The following PTPRD variants were observed in gnomAD, a reference collection of about 807,000 sequenced individuals.
The protein encoded by PTPRD is receptor-type tyrosine-protein phosphatase delta.
PTPRD carries 34 observed loss-of-function variants against 214.5 expected under a neutral mutation model. The ratio of observed to expected loss-of-function variants is 0.16; its 90% CI spans 0.12 to 0.21. PTPRD has a LOEUF of 0.21. PTPRD is among the 10% of genes least tolerant of loss of function. The pLI is 1.00. For missense variants in PTPRD, 2,545 were observed against 2,398.7 expected (o/e 1.06, Z -1.27); for synonymous variants, 1,128 against 845.7 (o/e 1.33, Z -5.79).
In PTPRD at chr9:8,500,959, A is replaced by G. The variant is rs774207545; in HGVS notation, c.1923T>C (p.Ile641=). The G allele has an allele frequency of 6.2e-7, 1 of 1,614,128 alleles. No homozygotes were observed. The highest frequency in any genetic ancestry group is 8.5e-7 in the Non-Finnish European group (1 of 1,180,002). ...TGTACTTGATGGAGTATTCAGTGATAATGCCATTCTGTTTTTCCACTGGTG... is the reference window on the plus strand; with the variant it reads ...TGTACTTGATGGAGTATTCAGTGATGATGCCATTCTGTTTTTCCACTGGTG... ...QPPPVEKQNG[I]ITEYSIKYTA... is the part of the protein sequence containing the mutation. The change falls in exon 24 of 46, where the codon ATT becomes ATC. Residue 641 remains isoleucine (I), a synonymous_variant. Coordinates refer to ENST00000381196, the MANE Select transcript of PTPRD (RefSeq NM_002839.4).
chr9:10,307,645 G>T (rs1487724161), intron 3 of PTPRD, among the ~76,000 whole-genome samples: 2 of 151,878 alleles, frequency 1.3e-5, no homozygotes, highest in Non-Finnish European at 2.9e-5. Context: ...TTCCATAATG[G>T]ATGTACTAAT....
chr9:8,898,316 A>T (rs2098637164), intron 11 of PTPRD, among the ~76,000 whole-genome samples: 2 of 152,012 alleles, frequency 1.3e-5, no homozygotes, highest in Admixed American at 1.3e-4. Context: ...CTATACTTGG[A>T]AGCAAAGAGT....
At chr9:8,684,945 G>A (rs2097648542) in intron 12 of PTPRD, among the ~76,000 whole-genome samples, 1 of 152,096 alleles carries the variant, frequency 6.6e-6, no homozygotes, top group Non-Finnish European at 1.5e-5. Flanking sequence ...ACAGTGATCA[G>A]CTTTCCCCAG....
chr9:8,973,305 G>A (rs1589135634), intron 11 of PTPRD, among the ~76,000 whole-genome samples: 1 of 151,916 alleles, frequency 6.6e-6, no homozygotes, highest in South Asian at 2.1e-4. Flanking sequence ...TTTATAGACG[G>A]ACACACAGGA....
intron 2 of PTPRD, among the ~76,000 whole-genome samples, chr9:10,600,198 T>A (rs2077611591): frequency 6.6e-6 from 1 of 151,812 alleles, no homozygotes; most frequent in South Asian, 2.1e-4. Flanking sequence ...TAAATCAATT[T>A]TCTTTAAAGA....
intron 5 of PTPRD, among the ~76,000 whole-genome samples, chr9:9,909,750 C>T (rs946609002): frequency 1.3e-5 from 2 of 150,940 alleles, no homozygotes; most frequent in Admixed American, 6.6e-5. Context: ...GACATGTGAG[C>T]CTTTGGGACA....
chr9:8,599,906 C>T lies in PTPRD; in HGVS notation c.352+33411G>A, dbSNP rs866412367. 5.3e-5 allele frequency among the ~76,000 whole-genome samples: 8 copies of T among 152,130 alleles called. No homozygotes were observed. The South Asian group carries it at 6.2e-4, about 12-fold the overall frequency. On this transcript the variant is annotated intron_variant, in intron 14 of 45. Coordinates refer to ENST00000381196, the MANE Select transcript of PTPRD (RefSeq NM_002839.4). ...TGCTGGAATTTACAGGCATGAGCCA[C>T]GGCGCCTGGCCGGCCCCTCCCCTTT... is the stretch of plus-strand genomic sequence containing the variant.
chr9:9,726,757 T>C (rs1176521838), intron 7 of PTPRD, among the ~76,000 whole-genome samples: 1 of 152,154 alleles, frequency 6.6e-6, no homozygotes, highest in African/African-American at 2.4e-5. Flanking sequence ...AGAGTTTGTA[T>C]AGCAAGAATG....
chr9:9,092,606 C>T (rs1471093556), intron 10 of PTPRD, among the ~76,000 whole-genome samples: 1 of 151,928 alleles, frequency 6.6e-6, no homozygotes, highest in East Asian at 1.9e-4. Context: ...ACTTATAACA[C>T]ATGAAAAAGT....
intron 7 of PTPRD, among the ~76,000 whole-genome samples, chr9:9,702,023 G>A (rs571778052): frequency 1.0e-3 from 153 of 152,232 alleles, no homozygotes; most frequent in African/African-American, 3.6e-3. Flanking sequence ...GGGTAGCTGA[G>A]GCAGGGGGAT....
At chr9:8,359,107 C>CAAAAAAAAAAAAAAAA (rs749802631) in intron 39 of PTPRD, among the ~76,000 whole-genome samples, 1 of 9,848 alleles carries the variant, frequency 1.0e-4, no homozygotes, top group African/African-American at 5.1e-4. Flanking sequence ...GACTCCGTCT[C>CAAAAAAAAAAAAAAAA]AAAAAAAAAA....
At chr9:9,199,231 G>C (rs540048078) in intron 9 of PTPRD, among the ~76,000 whole-genome samples, 4 of 152,134 alleles carry the variant, frequency 2.6e-5, no homozygotes, top group Non-Finnish European at 5.9e-5. Flanking sequence ...TTAAGGAAGG[G>C]CTCTATACTA....
chr9:9,601,155 G>GA (rs1351236236), intron 7 of PTPRD, among the ~76,000 whole-genome samples: 4 of 121,960 alleles, frequency 3.3e-5, no homozygotes, highest in African/African-American at 8.8e-5. Context: ...GTGTGTATGG[G>GA]GGGGGGAGAG....
At chr9:10,104,772 T>C (rs1237125560) in intron 3 of PTPRD, among the ~76,000 whole-genome samples, 2 of 151,928 alleles carry the variant, frequency 1.3e-5, no homozygotes, top group Non-Finnish European at 2.9e-5. Context: ...TTCAAAAATA[T>C]TTAAAATCCA....
At chr9:9,196,348 T>C (rs190766462) in intron 9 of PTPRD, among the ~76,000 whole-genome samples, 1 of 152,230 alleles carries the variant, frequency 6.6e-6, no homozygotes, top group South Asian at 2.1e-4. Flanking sequence ...AACACCATTC[T>C]AAGTAAATCA....
chr9:8,481,156 A>G lies in PTPRD; in HGVS notation c.3413+2963T>C, dbSNP rs959496078. Among the ~76,000 whole-genome samples the G allele has an allele frequency of 7.3e-5, 11 of 151,284 alleles. No individual in the cohort carries two copies. In the East Asian group the frequency reaches 2.1e-3, roughly 29 times the overall value. Reference sequence around the variant, plus strand: ...CTCCGTCTCAAAAAAAAAAAAAAAAAAAAAAAAAAATAAGAGTAGACAAAT... The same window carrying G: ...CTCCGTCTCAAAAAAAAAAAAAAAAGAAAAAAAAAATAAGAGTAGACAAAT... On this transcript the variant is annotated intron_variant, in intron 30 of 45. Transcript: ENST00000381196.
At chr9:10,097,854 A>C (rs527968756) in intron 3 of PTPRD, among the ~76,000 whole-genome samples, 3 of 151,876 alleles carry the variant, frequency 2.0e-5, no homozygotes, top group Non-Finnish European at 4.4e-5. Context: ...TTGTCCATTC[A>C]GTATGATATT....
At chr9:10,482,160 A>T (rs527257159) in intron 2 of PTPRD, among the ~76,000 whole-genome samples, 1 of 152,030 alleles carries the variant, frequency 6.6e-6, no homozygotes, top group Non-Finnish European at 1.5e-5. Flanking sequence ...TCACGAGGTC[A>T]GGAGATTGAG....
rs577073988 is a variant in PTPRD at position 8,728,480 on chromosome 9, G to C, written c.64+5300C>G. Among the ~76,000 whole-genome samples, 277 of 152,290 alleles carry C rather than the reference G, an allele frequency of 1.8e-3. 3 individuals carry two copies. Among genetic ancestry groups the C allele is most frequent in the African/African-American group, 5.1e-3 (211 of 41,564 alleles). On this transcript the variant is annotated intron_variant, in intron 12 of 45. Transcript: ENST00000381196. ...CCCAATGTGCTGGAATTACAGGCGT[G>C]AGCCACCACACATGGCAAAAACCAA...
Sources: gnomAD v4.1 joint callset for allele counts (sites outside exome capture counted in the v4.1 genomes callset) on GRCh38, gnomAD v4.1.1 for gene constraint, MANE v1.5 for transcripts, NCBI Gene and HGNC (gene_info 2026-07-23, HGNC 2026-07-21) for gene names.